KPNA5: variants seen among roughly 807,000 people sequenced by gnomAD.
KPNA5 encodes the protein karyopherin subunit alpha 5, also known as importin subunit alpha-6.
A neutral mutation model predicts 71.3 loss-of-function variants in KPNA5; 46 were observed. That is an observed-to-expected ratio of 0.65 (90% CI 0.51 to 0.83). KPNA5 has a LOEUF of 0.83. KPNA5 is among the 40% of genes least tolerant of loss of function. KPNA5 has a pLI of 0.00. For synonymous variants in KPNA5, 207 were observed against 201.4 expected (o/e 1.03, Z -0.24); for missense variants, 547 against 628.3 (o/e 0.87, Z 1.38).
intron 5 of KPNA5, among the ~76,000 whole-genome samples, chr6:116,700,631 T>C (rs1190592451): frequency 7.9e-5 from 12 of 152,216 alleles, no homozygotes; most frequent in Non-Finnish European, 1.8e-4. Flanking sequence ...TTGGTCCATC[T>C]AACAGGCCTT....
At chr6:116,703,424 G>A (rs1000480008) in intron 6 of KPNA5, among the ~76,000 whole-genome samples, 3 of 151,890 alleles carry the variant, frequency 2.0e-5, no homozygotes, top group African/African-American at 7.3e-5. Context: ...CACCACGCCC[G>A]GCTAGTTTTT....
rs182480854 is a variant in KPNA5, at chr6:116,741,466, A to G, written c.*9143A>G. 6.6e-6 allele frequency: 1 copy of G among 152,278 alleles called. No individual in the cohort carries two copies. Among genetic ancestry groups the G allele is most frequent in the Admixed American group, 6.6e-5 (1 of 15,264 alleles). The allele number at this position is 152,278 out of a possible 1,614,324, so 9.4% of individuals were successfully genotyped here. On this transcript the variant is annotated 3_prime_UTR_variant, in exon 14 of 14. Coordinates refer to ENST00000368564, the MANE Select transcript of KPNA5 (RefSeq NM_001366306.2). ...AAGTGAATTTTAACAAAATAGTTGAAACTTATTTGAAAATATTTTCCCTTT... is the reference window on the plus strand; with the variant it reads ...AAGTGAATTTTAACAAAATAGTTGAGACTTATTTGAAAATATTTTCCCTTT...
At chr6:116,726,472 T>C (rs1779291538) in intron 11 of KPNA5, 23 bp from the exon 12 acceptor site, 1 of 1,593,810 alleles carries the variant, frequency 6.3e-7, no homozygotes, top group Non-Finnish European at 8.6e-7. Flanking sequence ...TTTGTACTGA[T>C]TATATATTTT....
At chr6:116,697,210 A>T (rs2114396580) in intron 4 of KPNA5, among the ~76,000 whole-genome samples, 1 of 152,196 alleles carries the variant, frequency 6.6e-6, no homozygotes, top group South Asian at 2.1e-4. Flanking sequence ...TGATTTTTTT[A>T]AGATGGAAGG....
At position 116,738,326 on chromosome 6, in the gene KPNA5, C is replaced by A. The variant is rs1779743081; in HGVS notation, c.*6003C>A. 1 of 152,062 alleles carries A rather than the reference C, an allele frequency of 6.6e-6. No individual in the cohort carries two copies. The highest frequency in any genetic ancestry group is 1.5e-5 in the Non-Finnish European group (1 of 68,026). The allele number at this position is 152,062 out of a possible 1,614,324, so 9.4% of individuals were successfully genotyped here. A position where few individuals can be genotyped will look rare whatever the true frequency, so the allele number is the denominator to read the frequency against. The stretch of plus-strand genomic sequence containing the variant: ...GAAGAAGTTGAATCTCTGAATAGAC[C>A]AATAACAGGATCTGAAATTGTGGCA... On this transcript the variant is annotated 3_prime_UTR_variant, in exon 14 of 14. Coordinates refer to ENST00000368564, the MANE Select transcript of KPNA5 (RefSeq NM_001366306.2).
At chr6:116,693,456 T>C (rs1777888054) in intron 4 of KPNA5, among the ~76,000 whole-genome samples, 1 of 152,220 alleles carries the variant, frequency 6.6e-6, no homozygotes, top group Non-Finnish European at 1.5e-5. Context: ...TATCTCATTG[T>C]GGTTTTGATT....
rs1359839014 is a variant in KPNA5 at position 116,739,085 on chromosome 6, T to C, written c.*6762T>C. Reference sequence around the variant, plus strand: ...TTGTCCCTGTTTGCAGATGACATGATTGTATATCTAGAAAACCCCATTGTC... The same window carrying C: ...TTGTCCCTGTTTGCAGATGACATGACTGTATATCTAGAAAACCCCATTGTC... On this transcript the variant is annotated 3_prime_UTR_variant, in exon 14 of 14. Coordinates refer to ENST00000368564, the MANE Select transcript of KPNA5 (RefSeq NM_001366306.2). 6.6e-6 allele frequency: 1 copy of C among 152,140 alleles called. No homozygotes were observed. Among genetic ancestry groups the C allele is most frequent in the African/African-American group, 2.4e-5 (1 of 41,432 alleles). 9.4% of individuals were successfully genotyped at this position (152,140 alleles called of 1,614,324 possible).
At chr6:116,730,819 A>G (rs1169431370) in intron 13 of KPNA5, among the ~76,000 whole-genome samples, 1 of 151,816 alleles carries the variant, frequency 6.6e-6, no homozygotes, top group Non-Finnish European at 1.5e-5. Context: ...TCCTTATCCA[A>G]ATTGCATATT....
rs935098374 is a variant in KPNA5, at chr6:116,740,395, G to A, written c.*8072G>A. The A allele has an allele frequency of 3.3e-5, 5 of 152,168 alleles. No individual in the cohort carries two copies. Among genetic ancestry groups the A allele is most frequent in the Non-Finnish European group, 7.4e-5 (5 of 68,026 alleles). The allele number at this position is 152,168 out of a possible 1,614,324, so 9.4% of individuals were successfully genotyped here. A position where few individuals can be genotyped will look rare whatever the true frequency, so the allele number is the denominator to read the frequency against. ...ATAGGAACACTTTTACACTGTTGGT[G>A]GGACTGTAAACTAGTTCAAGCATTG... On this transcript the variant is annotated 3_prime_UTR_variant, in exon 14 of 14. Transcript: ENST00000368564.
chr6:116,710,666 T>C (rs1413768208), intron 7 of KPNA5, among the ~76,000 whole-genome samples: 4 of 151,868 alleles, frequency 2.6e-5, no homozygotes, highest in Non-Finnish European at 5.9e-5. Context: ...TGGGAAGTGT[T>C]TGATTAGAAT....
chr6:116,699,329 T>G (rs1253836891), intron 5 of KPNA5, among the ~76,000 whole-genome samples: 2 of 152,132 alleles, frequency 1.3e-5, no homozygotes, highest in African/African-American at 2.4e-5. Flanking sequence ...CTAATGGAAA[T>G]TTACTGAAGT....
chr6:116,687,828 T>C (rs1777649645), intron 1 of KPNA5, among the ~76,000 whole-genome samples: 1 of 152,214 alleles, frequency 6.6e-6, no homozygotes, highest in Admixed American at 6.5e-5. Context: ...TAGTAACTTG[T>C]TTAGTTCACG....
chr6:116,695,522 G>A (rs1411040485), intron 4 of KPNA5, among the ~76,000 whole-genome samples: 3 of 152,142 alleles, frequency 2.0e-5, no homozygotes, highest in African/African-American at 4.8e-5. Flanking sequence ...TAGCTCAACT[G>A]CCTTATTGTC....
At chr6:116,710,445 G>A (rs929413852) in intron 7 of KPNA5, among the ~76,000 whole-genome samples, 1 of 151,940 alleles carries the variant, frequency 6.6e-6, no homozygotes, top group East Asian at 1.9e-4. Context: ...TGGGGTACAC[G>A]CGGTGTTTTG....
intron 1 of KPNA5, among the ~76,000 whole-genome samples, chr6:116,683,699 C>G (rs1163048433): frequency 6.6e-6 from 1 of 151,636 alleles, no homozygotes; most frequent in Non-Finnish European, 1.5e-5. Context: ...GTCTCCCTCC[C>G]GGGGTCTCCT....
chr6:116,704,108 G>A (rs1279723340), intron 6 of KPNA5, among the ~76,000 whole-genome samples: 1 of 151,806 alleles, frequency 6.6e-6, no homozygotes, highest in Non-Finnish European at 1.5e-5. Flanking sequence ...CATGATCTCA[G>A]CTCACTGCAA....
At chr6:116,723,630 T>C (rs1359070966) in intron 9 of KPNA5, among the ~76,000 whole-genome samples, 2 of 152,148 alleles carry the variant, frequency 1.3e-5, no homozygotes, top group Admixed American at 6.5e-5. Context: ...GTATATTTTA[T>C]TGAATAAAAT....
chr6:116,715,099 A>C (rs1778834027), intron 7 of KPNA5, among the ~76,000 whole-genome samples: 1 of 152,166 alleles, frequency 6.6e-6, no homozygotes, highest in South Asian at 2.1e-4. Context: ...AGTGTTTGCA[A>C]GTTTCTTGGT....
chr6:116,736,003 T>C lies in KPNA5; in HGVS notation c.*3680T>C, dbSNP rs751718969. ...TGGTGAAAAGGGTGGAAAAAAGATATACCATGCTATCACAAATCAAAAGTA... is the reference window on the plus strand; with the variant it reads ...TGGTGAAAAGGGTGGAAAAAAGATACACCATGCTATCACAAATCAAAAGTA... On this transcript the variant is annotated 3_prime_UTR_variant, in exon 14 of 14. Transcript: ENST00000368564. 1.3e-5 allele frequency: 2 copies of C among 151,818 alleles called. No individual in the cohort carries two copies. The highest frequency in any genetic ancestry group is 2.9e-5 in the Non-Finnish European group (2 of 67,812). 9.4% of individuals were successfully genotyped at this position (151,818 alleles called of 1,614,324 possible).
Sources: gnomAD v4.1 joint callset for allele counts (sites outside exome capture counted in the v4.1 genomes callset) on GRCh38, gnomAD v4.1.1 for gene constraint, MANE v1.5 for transcripts, NCBI Gene and HGNC (gene_info 2026-07-23, HGNC 2026-07-21) for gene names.